The following ASTN2 variants were observed in gnomAD, a reference collection of about 807,000 sequenced individuals.
The protein encoded by ASTN2 is astrotactin 2.
In ASTN2, 54 loss-of-function variants were observed where a neutral mutation model predicts 139.8. That is an observed-to-expected ratio of 0.39 (90% confidence interval 0.31 to 0.48). The LOEUF (loss-of-function observed/expected upper bound fraction) is 0.48, where lower values mean the gene tolerates loss of function less well. ASTN2 is among the 20% of genes least tolerant of loss of function. The pLI, the probability that ASTN2 is intolerant of heterozygous loss-of-function variation, is 0.95. For synonymous variants in ASTN2, 756 were observed against 719.5 expected (o/e 1.05, Z -0.81); for missense variants, 1,565 against 1,725.1 (o/e 0.91, Z 1.64).
chr9:116,732,642 A>G (rs1828818843), intron 14 of ASTN2, among the ~76,000 whole-genome samples: 1 of 152,210 alleles, frequency 6.6e-6, no homozygotes, highest in South Asian at 2.1e-4. Flanking sequence ...AAAGGGTAGG[A>G]GAGGAACTGG....
intron 5 of ASTN2, among the ~76,000 whole-genome samples, chr9:117,044,672 G>A (rs1838680580): frequency 6.6e-6 from 1 of 152,240 alleles, no homozygotes; most frequent in South Asian, 2.1e-4. Flanking sequence ...CACTTGCTGA[G>A]TGATTACTAT....
At chr9:116,715,860 C>A (rs192045369) in intron 16 of ASTN2, among the ~76,000 whole-genome samples, 1 of 152,032 alleles carries the variant, frequency 6.6e-6, no homozygotes, top group Non-Finnish European at 1.5e-5. Flanking sequence ...AAGAACAGGG[C>A]CCCCTGGGGT....
chr9:116,863,268 A>G (rs1832938200), intron 11 of ASTN2, among the ~76,000 whole-genome samples: 2 of 152,212 alleles, frequency 1.3e-5, no homozygotes, highest in Non-Finnish European at 1.5e-5. Context: ...TCACAGAGGT[A>G]AGGCATGCCC....
intron 3 of ASTN2, among the ~76,000 whole-genome samples, chr9:117,185,700 G>A (rs1217599134): frequency 6.6e-6 from 1 of 152,152 alleles, no homozygotes; most frequent in African/African-American, 2.4e-5. Context: ...GGCAGGCAGA[G>A]CATGTCTCAC....
intron 10 of ASTN2, among the ~76,000 whole-genome samples, chr9:116,937,173 G>T (rs16936575): frequency 0.48 from 73,120 of 151,830 alleles, 18,533 homozygotes; most frequent in Middle Eastern, 0.62. Flanking sequence ...TTCTTTTTCC[G>T]CCTTAAAATG....
intron 16 of ASTN2, among the ~76,000 whole-genome samples, chr9:116,670,231 G>A (rs1220359469): frequency 3.3e-5 from 5 of 152,216 alleles, no homozygotes; most frequent in African/African-American, 4.8e-5. Flanking sequence ...ATAACAGCTA[G>A]TATTGTCAAA....
At chr9:116,436,545 T>G (rs1379618706) in intron 22 of ASTN2, among the ~76,000 whole-genome samples, 1 of 152,182 alleles carries the variant, frequency 6.6e-6, no homozygotes, top group Non-Finnish European at 1.5e-5. Flanking sequence ...GGAAGACAGA[T>G]AATATGTAAG....
intron 13 of ASTN2, among the ~76,000 whole-genome samples, chr9:116,802,368 G>A (rs1830887231): frequency 6.6e-6 from 1 of 152,158 alleles, no homozygotes; most frequent in Non-Finnish European, 1.5e-5. Flanking sequence ...TGACAGGCAT[G>A]AGCCACCACA....
intron 16 of ASTN2, among the ~76,000 whole-genome samples, chr9:116,666,168 G>A (rs1366869085): frequency 6.6e-6 from 1 of 152,170 alleles, no homozygotes; most frequent in Non-Finnish European, 1.5e-5. Flanking sequence ...GGATTGGACT[G>A]ATAGGTACTG....
At chr9:116,911,812 G>A (rs920724799) in intron 10 of ASTN2, among the ~76,000 whole-genome samples, 6 of 152,096 alleles carry the variant, frequency 3.9e-5, no homozygotes, top group Admixed American at 6.6e-5. Context: ...GGAGAATGAC[G>A]TGAACCCAGT....
chr9:116,487,265 T>G (rs1028549782), intron 20 of ASTN2, 94 bp downstream of exon 20: 1 of 1,468,102 alleles, frequency 6.8e-7, no homozygotes, highest in African/African-American at 1.4e-5. Flanking sequence ...AATAAAACAT[T>G]TGGCTGGCCT....
At chr9:116,568,838 G>A (rs1181988962) in intron 19 of ASTN2, 2 of 152,246 alleles carry the variant, frequency 1.3e-5, no homozygotes, top group Non-Finnish European at 2.9e-5. Context: ...CCAACTGGAA[G>A]GCAACAATTG....
chr9:116,423,545 T>C lies in ASTN2; in HGVS notation c.*2306A>G, dbSNP rs1847237259. Among the ~76,000 whole-genome samples the C allele has an allele frequency of 6.6e-6, 1 of 152,170 alleles. No individual in the cohort carries two copies. Among genetic ancestry groups the C allele is most frequent in the Non-Finnish European group, 1.5e-5 (1 of 68,026 alleles). ...AGCAACCTGATAGCTCTCTGAAAAC[T>C]TGGGACCCAGGCCCAGCAAACTGAT... On this transcript the variant is annotated 3_prime_UTR_variant, in exon 23 of 23. Transcript: ENST00000313400.
In ASTN2 at chr9:117,079,862, A is replaced by C. The variant is rs973699857; in HGVS notation, c.1276+16182T>G. On this transcript the variant is annotated intron_variant, in intron 5 of 22. Transcript: ENST00000313400. The stretch of plus-strand genomic sequence containing the variant: ...TTAAAGTAGTCAGATCTAAGGCTAC[A>C]ATTGTTCATCACTTACCATCTTCTC... 4.6e-5 allele frequency among the ~76,000 whole-genome samples: 7 copies of C among 152,384 alleles called. No individual in the cohort carries two copies. In the East Asian group the frequency reaches 7.7e-4, roughly 17 times the overall value.
intron 10 of ASTN2, among the ~76,000 whole-genome samples, chr9:116,882,310 T>C (rs1484534562): frequency 6.6e-6 from 1 of 151,944 alleles, no homozygotes; most frequent in East Asian, 1.9e-4. Flanking sequence ...TTCAAGAGAG[T>C]GAGTGAAAGT....
chr9:116,495,340 G>GT (rs1849636631), intron 19 of ASTN2, among the ~76,000 whole-genome samples: 2 of 152,236 alleles, frequency 1.3e-5, no homozygotes, highest in South Asian at 4.1e-4. Context: ...AACAATTTAG[G>GT]TAGAGCTAAG....
At chr9:116,596,575 T>C in intron 19 of ASTN2, among the ~76,000 whole-genome samples, 1 of 152,224 alleles carries the variant, frequency 6.6e-6, no homozygotes. Flanking sequence ...TCAGTATCTA[T>C]ATATTAAATG....
intron 7 of ASTN2, among the ~76,000 whole-genome samples, chr9:116,983,086 C>T (rs1836557375): frequency 6.6e-6 from 1 of 152,210 alleles, no homozygotes. Context: ...CATCACTTAT[C>T]ATCACCGGCC....
At position 116,910,195 on chromosome 9, in the gene ASTN2, A is replaced by C. The variant is rs1464816400; in HGVS notation, c.1890-46462T>G. On this transcript the variant is annotated intron_variant, in intron 10 of 22. Coordinates refer to ENST00000313400, the MANE Select transcript of ASTN2 (RefSeq NM_001365068.1). ...ATACAAAGTTATACATTCAAAAATT[A>C]GGCATAGAATTGAATATTTATTTAG... Among the ~76,000 whole-genome samples, 2 of 152,152 alleles carry C rather than the reference A, an allele frequency of 1.3e-5. 1 individual carries two copies. The highest frequency in any genetic ancestry group is 4.2e-4 in the South Asian group (2 of 4,792).
Sources: allele counts gnomAD v4.1 joint callset (sites outside exome capture counted in the v4.1 genomes callset), GRCh38; gene constraint gnomAD v4.1.1; transcripts MANE v1.5; gene names NCBI Gene and HGNC (gene_info 2026-07-23, HGNC 2026-07-21).